LARP4: variants seen among roughly 807,000 people sequenced by gnomAD.
LARP4 encodes the protein La ribonucleoprotein 4, also known as la-related protein 4.
A neutral mutation model predicts 92.9 loss-of-function variants in LARP4; 29 were observed. The ratio of observed to expected loss-of-function variants is 0.31; its 90% CI spans 0.23 to 0.43. The LOEUF is 0.43. Among genes scored for constraint, LARP4 ranks in the 20% least tolerant of loss-of-function variants. The pLI is 1.00. For missense variants in LARP4, 732 were observed against 860.0 expected, an observed-to-expected ratio of 0.85 and a Z score of 1.86; for synonymous variants, 279 against 284.1, an observed-to-expected ratio of 0.98 and a Z score of 0.18.
chr12:50,461,557 G>A, intron 11 of LARP4: 1 of 509,108 alleles, frequency 2.0e-6, no homozygotes, highest in Non-Finnish European at 3.4e-6. Context: ...CTGAATCAGA[G>A]GTTTATAAAG....
chr12:50,453,302 A>T (rs1449090893), intron 8 of LARP4, among the ~76,000 whole-genome samples, 158 bp from the exon 9 acceptor site: 1 of 151,776 alleles, frequency 6.6e-6, no homozygotes, highest in Non-Finnish European at 1.5e-5. Context: ...ATTATTTATT[A>T]ATTAATTAAA....
chr12:50,458,509 C>T (rs949014876), intron 10 of LARP4, among the ~76,000 whole-genome samples: 1 of 152,112 alleles, frequency 6.6e-6, no homozygotes, highest in African/African-American at 2.4e-5. Context: ...TGGGAATTTA[C>T]GTTTAATTGG....
At chr12:50,431,615 G>A (rs548018643) in intron 4 of LARP4, among the ~76,000 whole-genome samples, 15 of 152,142 alleles carry the variant, frequency 9.9e-5, no homozygotes, top group Non-Finnish European at 1.8e-4. Flanking sequence ...GGGAGGGCAA[G>A]GTGGGCAGAT....
At chr12:50,445,089 G>GAA (rs925523758) in intron 8 of LARP4, among the ~76,000 whole-genome samples, 1 of 147,410 alleles carries the variant, frequency 6.8e-6, no homozygotes, top group Non-Finnish European at 1.5e-5. Flanking sequence ...TTGTGGTAGA[G>GAA]ACGGAGTTTT....
At chr12:50,401,267 T>C (rs1209959945) in intron 1 of LARP4, 1 of 573,504 alleles carries the variant, frequency 1.7e-6, no homozygotes, top group Non-Finnish European at 3.1e-6. Context: ...AACGGAGGGC[T>C]GTTCTGGTGT....
intron 1 of LARP4, among the ~76,000 whole-genome samples, chr12:50,417,374 C>CAA (rs763815019): frequency 8.3e-6 from 1 of 121,184 alleles, no homozygotes; most frequent in African/African-American, 3.0e-5. Context: ...AACTCTGTCT[C>CAA]AAAAAAAAAA....
intron 12 of LARP4, among the ~76,000 whole-genome samples, chr12:50,464,294 G>A (rs1024544067): frequency 2.0e-5 from 3 of 152,256 alleles, no homozygotes; most frequent in African/African-American, 7.2e-5. Flanking sequence ...AATCATGGCT[G>A]AAGGCAAATG....
chr12:50,409,412 G>C (rs142485356), intron 1 of LARP4, among the ~76,000 whole-genome samples: 2 of 152,152 alleles, frequency 1.3e-5, no homozygotes, highest in Non-Finnish European at 2.9e-5. Context: ...GCTCACACCT[G>C]TAATACTAGC....
intron 8 of LARP4, among the ~76,000 whole-genome samples, chr12:50,446,531 C>T (rs1593193241): frequency 1.4e-5 from 2 of 144,930 alleles, no homozygotes; most frequent in South Asian, 2.2e-4. Flanking sequence ...GGGTTTCAAG[C>T]GATTCTCCTG....
intron 11 of LARP4, 38 bp from the exon 12 acceptor site, chr12:50,462,544 T>TACC: frequency 1.3e-6 from 1 of 774,060 alleles, no homozygotes; most frequent in Non-Finnish European, 2.2e-6. Flanking sequence ...GACTTGTCCC[T>TACC]CCACCCCACC....
At chr12:50,412,531 G>T (rs1472543151) in intron 1 of LARP4, 2 of 476,796 alleles carry the variant, frequency 4.2e-6, no homozygotes, top group Non-Finnish European at 5.5e-6. Flanking sequence ...CTAACTCATG[G>T]TTCTGTTACC....
chr12:50,460,972 A>T (rs1014891114), intron 10 of LARP4, among the ~76,000 whole-genome samples, 163 bp from the exon 11 acceptor site: 2 of 152,068 alleles, frequency 1.3e-5, no homozygotes, highest in Admixed American at 1.3e-4. Flanking sequence ...TTAAAATAAC[A>T]TCTGGAATGT....
rs369441217 is a variant in LARP4 at position 50,474,074 on chromosome 12, A to G, written c.1743A>G (p.Pro581=). The G allele has an allele frequency of 8.1e-6, 13 of 1,612,458 alleles. No individual in the cohort carries two copies. Among genetic ancestry groups the G allele is most frequent in the East Asian group, 2.2e-5 (1 of 44,876 alleles). Residue 581 remains proline, a synonymous_variant, in exon 15 of 16, where the codon CCA becomes CCG. Coordinates refer to ENST00000398473, the MANE Select transcript of LARP4 (RefSeq NM_052879.5). ...ATGGTCTCAATCAGACAACTATACC[A>G]GTTTCTCCTCCAAGTACTACAAAGC... The part of the protein sequence containing the change: ...QKDGLNQTTI[P]VSPPSTTKPS...
At chr12:50,471,942 T>G (rs944213998) in intron 13 of LARP4, among the ~76,000 whole-genome samples, 2 of 152,244 alleles carry the variant, frequency 1.3e-5, no homozygotes, top group Non-Finnish European at 2.9e-5. Context: ...CTTTTCCGTC[T>G]TTAGTGCCTA....
chr12:50,446,260 C>T (rs573273751), intron 8 of LARP4, among the ~76,000 whole-genome samples: 14 of 143,278 alleles, frequency 9.8e-5, no homozygotes, highest in African/African-American at 3.6e-4. Flanking sequence ...CCCACCTCAG[C>T]CTCCCAAAGT....
Position 50,479,731 on chromosome 12 carries a change from A to G in LARP4, c.*3867A>G, listed in dbSNP as rs1957763082. 1 of 152,216 alleles carries G rather than the reference A, an allele frequency of 6.6e-6. No individual in the cohort carries two copies. Among genetic ancestry groups the G allele is most frequent in the African/African-American group, 2.4e-5 (1 of 41,450 alleles). 9.4% of individuals were successfully genotyped at this position (152,216 alleles called of 1,614,324 possible). A position where few individuals can be genotyped will look rare whatever the true frequency, so the allele number is the denominator to read the frequency against. On this transcript the variant is annotated 3_prime_UTR_variant, in exon 16 of 16. Transcript: ENST00000398473. ...AGCACAGAACACTGTTGAAATATCCATATCAACTTGATTTTTTTAACCTAA... is the reference window on the plus strand; with the variant it reads ...AGCACAGAACACTGTTGAAATATCCGTATCAACTTGATTTTTTTAACCTAA...
chr12:50,434,301 A>G (rs925489837), intron 4 of LARP4, among the ~76,000 whole-genome samples: 1 of 152,128 alleles, frequency 6.6e-6, no homozygotes, highest in South Asian at 2.1e-4. Context: ...ATTTTACCTA[A>G]GTTTATTAAA....
At position 50,476,041 on chromosome 12, in the gene LARP4, G is replaced by T. The variant is rs949202285; in HGVS notation, c.*177G>T. The T allele has an allele frequency of 2.1e-6, 1 of 480,896 alleles. No homozygotes were observed. Among genetic ancestry groups the T allele is most frequent in the Admixed American group, 3.5e-5 (1 of 28,836 alleles). 29.8% of individuals were successfully genotyped at this position (480,896 alleles called of 1,614,324 possible). A position where few individuals can be genotyped will look rare whatever the true frequency, so the allele number is the denominator to read the frequency against. ...GGATCCCAAAATTCATCTCTAATGT[G>T]GTTTTTAAATGCTGGAGGATTCCAA... On this transcript the variant is annotated 3_prime_UTR_variant, in exon 16 of 16. Coordinates refer to ENST00000398473, the MANE Select transcript of LARP4 (RefSeq NM_052879.5).
At chr12:50,462,670 C>T (rs755223371) in intron 12 of LARP4, 40 bp downstream of exon 12, 9 of 1,262,192 alleles carry the variant, frequency 7.1e-6, no homozygotes, top group Non-Finnish European at 1.0e-5. Flanking sequence ...TTTTTCTCTT[C>T]TGTGATTTAC....
Sources: allele counts gnomAD v4.1 joint callset (sites outside exome capture counted in the v4.1 genomes callset), GRCh38; gene constraint gnomAD v4.1.1; transcripts MANE v1.5; gene names NCBI Gene and HGNC (gene_info 2026-07-23, HGNC 2026-07-21).